APOL3: variants seen among roughly 807,000 people sequenced by gnomAD.
The protein encoded by APOL3 is apolipoprotein L3.
A neutral mutation model predicts 11.6 loss-of-function variants in APOL3; 14 were observed. The observed-to-expected ratio is 1.21, with a 90% CI of 0.80 to 1.89. The LOEUF (loss-of-function observed/expected upper bound fraction) is 1.89. Ranked by LOEUF, APOL3 falls within the 40% of genes most tolerant of loss-of-function variation. The pLI is 0.00. For missense variants in APOL3, 483 were observed against 492.1 expected (o/e 0.98, Z 0.17); for synonymous variants, 192 against 190.6 (o/e 1.01, Z -0.06).
At chr22:36,148,731 C>T (rs1162965664) in intron 1 of APOL3, among the ~76,000 whole-genome samples, 3 of 152,190 alleles carry the variant, frequency 2.0e-5, no homozygotes, top group Admixed American at 6.5e-5. Flanking sequence ...GGACCCTGCT[C>T]TCCCCCTACT....
intron 1 of APOL3, among the ~76,000 whole-genome samples, chr22:36,153,609 A>G (rs2012201302): frequency 6.6e-6 from 1 of 152,216 alleles, no homozygotes; most frequent in African/African-American, 2.4e-5. Flanking sequence ...CCAGACTGTG[A>G]TATGTGTTAC....
exon 3 of APOL3, chr22:36,140,594 T>C (rs2059951543): frequency 6.5e-6 from 1 of 152,750 alleles, no homozygotes; most frequent in Non-Finnish European, 1.5e-5. Flanking sequence ...AGGGGACATA[T>C]ACCCCTAAAT....
chr22:36,160,961 G>A, upstream of APOL3: 2 of 1,405,888 alleles, frequency 1.4e-6, no homozygotes, highest in Non-Finnish European at 1.9e-6. Flanking sequence ...GTCCTTCTTG[G>A]CCAACCCACC....
upstream of APOL3, among the ~76,000 whole-genome samples, chr22:36,163,925 C>T (rs570015713): frequency 5.3e-5 from 8 of 152,302 alleles, no homozygotes; most frequent in African/African-American, 1.9e-4. Context: ...CACTGACTTT[C>T]CCTAGTGCCT....
chr22:36,155,891 C>A (rs1192114759), intron 1 of APOL3: 1 of 165,924 alleles, frequency 6.0e-6, no homozygotes, highest in South Asian at 1.9e-4. Flanking sequence ...GCAGTTTGGT[C>A]AATTCCCGGA....
upstream of APOL3, chr22:36,165,669 C>T (rs539612999): frequency 6.6e-5 from 10 of 152,236 alleles, no homozygotes; most frequent in African/African-American, 1.9e-4. Flanking sequence ...ACAAGGTTAC[C>T]GCGAGGTCTC....
chr22:36,141,103 A>T (rs2059966497), exon 3 of APOL3: 1 of 1,518,364 alleles, frequency 6.6e-7, no homozygotes, highest in Admixed American at 2.1e-5. Flanking sequence ...AGCTCCATAA[A>T]CTTTACCTTG....
At chr22:36,152,231 G>A (rs1044277248) in intron 1 of APOL3, among the ~76,000 whole-genome samples, 4 of 152,138 alleles carry the variant, frequency 2.6e-5, no homozygotes, top group African/African-American at 9.7e-5. Context: ...AGGAAATCAT[G>A]AAGGCAAACA....
chr22:36,156,659 A>C, intron 1 of APOL3: 1 of 220,664 alleles, frequency 4.5e-6, no homozygotes. Context: ...ACCCATCCTC[A>C]GAGGCTCAGC....
At chr22:36,156,689 C>T in intron 1 of APOL3, 1 of 277,254 alleles carries the variant, frequency 3.6e-6, no homozygotes, top group Non-Finnish European at 7.5e-6. Context: ...CTGGACCCTG[C>T]AGCGTCCCCC....
At chr22:36,141,991 A>G in exon 3 of APOL3, 1 of 1,614,154 alleles carries the variant, frequency 6.2e-7, no homozygotes, top group Non-Finnish European at 8.5e-7. Context: ...TGCTGCACAT[A>G]TTCGTCCTCA....
chr22:36,143,312 G>A (rs2060071371), intron 2 of APOL3, among the ~76,000 whole-genome samples: 1 of 152,216 alleles, frequency 6.6e-6, no homozygotes, highest in Admixed American at 6.5e-5. Flanking sequence ...ACTCTGCCCT[G>A]TGTGTCTCTT....
chr22:36,158,987 G>GTA (rs1225743379), intron 1 of APOL3, among the ~76,000 whole-genome samples: 1 of 150,832 alleles, frequency 6.6e-6, no homozygotes, highest in African/African-American at 2.4e-5. Context: ...GTGTGTGTGT[G>GTA]TGTGAATTTG....
Position 36,160,736 on chromosome 22 carries a change from C to T in APOL3, c.156G>A (p.Leu52=), listed in dbSNP as rs1418285011. Reference sequence around the variant, plus strand: ...TTCTGAGCTGTGTGGATCCCACCTCCAGCCGTGCATCTGCATAATAACCAG... The same window carrying T: ...TTCTGAGCTGTGTGGATCCCACCTCTAGCCGTGCATCTGCATAATAACCAG... The change falls in exon 1 of 3, where the codon CTG becomes CTA. Residue 52 remains leucine, a synonymous_variant. It introduces an in-frame stop codon into an upstream open reading frame of the 5' UTR. Coordinates refer to ENST00000349314, the Ensembl canonical transcript of APOL3. 1 of 1,613,798 alleles carries T rather than the reference C, an allele frequency of 6.2e-7. No individual in the cohort carries two copies. The highest frequency in any genetic ancestry group is 1.3e-5 in the African/African-American group (1 of 74,826).
intron 2 of APOL3, among the ~76,000 whole-genome samples, chr22:36,145,026 G>GA (rs796599154): frequency 2.2e-4 from 27 of 124,358 alleles, no homozygotes; most frequent in Admixed American, 1.9e-3. Context: ...AAAAAAAAAA[G>GA]AAAAAAAAAG....
At chr22:36,153,632 G>A (rs1165754715) in intron 1 of APOL3, among the ~76,000 whole-genome samples, 1 of 152,192 alleles carries the variant, frequency 6.6e-6, no homozygotes, top group Non-Finnish European at 1.5e-5. Context: ...CAGAAAGCAA[G>A]GACGCTTCCA....
chr22:36,153,530 T>C (rs1231060073), intron 1 of APOL3: 1 of 401,752 alleles, frequency 2.5e-6, no homozygotes, highest in Non-Finnish European at 5.1e-6. Context: ...CAGTGGCACC[T>C]TGCCACTCAA....
upstream of APOL3, chr22:36,161,546 C>T (rs1014932480): frequency 2.0e-5 from 3 of 153,590 alleles, no homozygotes; most frequent in Non-Finnish European, 4.3e-5. Context: ...GCTACCTTCA[C>T]CTGGAAAAGT....
At chr22:36,146,536 G>A (rs959338834) in intron 1 of APOL3, 1 of 151,534 alleles carries the variant, frequency 6.6e-6, no homozygotes, top group Non-Finnish European at 1.5e-5. Flanking sequence ...TCTTTTGTAA[G>A]ATATTTGAAA....
Sources: gnomAD v4.1 joint callset for allele counts (sites outside exome capture counted in the v4.1 genomes callset) on GRCh38, gnomAD v4.1.1 for gene constraint, MANE v1.5 for transcripts, NCBI Gene and HGNC (gene_info 2026-07-23, HGNC 2026-07-21) for gene names.